The following WWOX variants were observed in gnomAD, a reference collection of about 807,000 sequenced individuals.
WWOX encodes the protein WW domain containing oxidoreductase, also known as WW domain-containing oxidoreductase.
WWOX carries 69 observed loss-of-function variants against 46.2 expected under a neutral mutation model. That is an observed-to-expected ratio of 1.49 (90% CI 1.23 to 1.82). The LOEUF (loss-of-function observed/expected upper bound fraction) is 1.82. Ranked by LOEUF, WWOX falls within the 40% of genes most tolerant of loss-of-function variation. The pLI is 0.00. For missense variants in WWOX, 919 were observed against 542.6 expected (o/e 1.69, Z -6.89); for synonymous variants, 359 against 202.6 (o/e 1.77, Z -6.56).
At chr16:78,992,327 TGTG>T (rs2046904502) in intron 8 of WWOX, among the ~76,000 whole-genome samples, 3 of 151,730 alleles carry the variant, frequency 2.0e-5, no homozygotes, top group South Asian at 4.2e-4. Context: ...ATTAGCCAGG[TGTG>T]GTGGTGGGTG....
chr16:78,987,340 G>A (rs1028642378), intron 8 of WWOX, among the ~76,000 whole-genome samples: 5 of 152,096 alleles, frequency 3.3e-5, no homozygotes, highest in African/African-American at 9.7e-5. Flanking sequence ...ACCTTGTATC[G>A]GGTAGGTTGG....
intron 8 of WWOX, among the ~76,000 whole-genome samples, chr16:79,068,820 CAATAATAATAATAAT>C (rs61494401): frequency 0.1 from 14,045 of 138,520 alleles, 787 homozygotes; most frequent in Middle Eastern, 0.13. Context: ...CAAAAAAACC[CAATAATAATAATAAT>C]AATAATAATA....
intron 8 of WWOX, chr16:78,890,283 C>T (rs1015128371): frequency 6.6e-6 from 1 of 152,070 alleles, no homozygotes; most frequent in East Asian, 1.9e-4. Flanking sequence ...ATAAAAGCCC[C>T]ATTTTCATAT....
intron 8 of WWOX, among the ~76,000 whole-genome samples, chr16:78,500,825 G>C (rs1337762438): frequency 6.6e-6 from 1 of 152,310 alleles, no homozygotes. Context: ...GACCCAGAGA[G>C]CATGTACAAC....
intron 5 of WWOX, among the ~76,000 whole-genome samples, chr16:78,218,309 C>T (rs1248772501): frequency 6.6e-6 from 1 of 152,112 alleles, no homozygotes; most frequent in African/African-American, 2.4e-5. Flanking sequence ...AGGCTGGGCT[C>T]AAACTCCTGG....
chr16:78,640,532 C>T (rs538659051), intron 8 of WWOX, among the ~76,000 whole-genome samples: 1 of 152,180 alleles, frequency 6.6e-6, no homozygotes, highest in Middle Eastern at 3.4e-3. Context: ...ACCACCCGTG[C>T]TGAATATGTA....
Position 78,432,718 on chromosome 16 carries a change from T to C in WWOX, c.1022T>C (p.Leu341Pro), listed in dbSNP as rs764702096. 2 of 1,614,066 alleles carry C rather than the reference T, an allele frequency of 1.2e-6. No individual in the cohort carries two copies. The highest frequency in any genetic ancestry group is 1.7e-6 in the Non-Finnish European group (2 of 1,180,042). ...IHRSWWVYTL[L>P]FTLARPFTKS... ...CGCAGCTGGTGGGTGTACACACTGCTGTTTACCTTGGCGAGGCCTTTCACC... is the reference window on the plus strand; with the variant it reads ...CGCAGCTGGTGGGTGTACACACTGCCGTTTACCTTGGCGAGGCCTTTCACC... The change falls in exon 8 of 9, where the codon CTG becomes CCG. Residue 341 changes from leucine to proline, a missense_variant. Coordinates refer to ENST00000566780, the MANE Select transcript of WWOX (RefSeq NM_016373.4).
intron 5 of WWOX, among the ~76,000 whole-genome samples, chr16:78,224,897 T>G (rs1184755358): frequency 2.6e-5 from 4 of 152,232 alleles, no homozygotes; most frequent in African/African-American, 4.8e-5. Flanking sequence ...TTTCTTTCTT[T>G]TGCAAATGAT....
At chr16:78,857,655 T>C (rs185701596) in intron 8 of WWOX, among the ~76,000 whole-genome samples, 1 of 152,352 alleles carries the variant, frequency 6.6e-6, no homozygotes, top group Non-Finnish European at 1.5e-5. Flanking sequence ...CATTTTCCTA[T>C]AAAATGCCTC....
chr16:78,851,004 G>T (rs1426533780), intron 8 of WWOX, among the ~76,000 whole-genome samples: 2 of 152,166 alleles, frequency 1.3e-5, no homozygotes, highest in African/African-American at 4.8e-5. Flanking sequence ...TTCTTTTGCA[G>T]CTCCTAGAGA....
chr16:79,175,909 G>C (rs2050791139), intron 8 of WWOX, among the ~76,000 whole-genome samples: 1 of 152,096 alleles, frequency 6.6e-6, no homozygotes, highest in Non-Finnish European at 1.5e-5. Context: ...TGAGCTTTTG[G>C]TCATGCTGTA....
At chr16:79,033,426 G>T (rs1156692501) in intron 8 of WWOX, among the ~76,000 whole-genome samples, 1 of 151,424 alleles carries the variant, frequency 6.6e-6, no homozygotes, top group African/African-American at 2.4e-5. Context: ...GTATTCCATG[G>T]TGTAGATGTA....
At chr16:78,877,754 G>T (rs917056683) in intron 8 of WWOX, among the ~76,000 whole-genome samples, 1 of 152,170 alleles carries the variant, frequency 6.6e-6, no homozygotes, top group Non-Finnish European at 1.5e-5. Context: ...GGCTTAGCAC[G>T]TGGAAGACAA....
intron 8 of WWOX, among the ~76,000 whole-genome samples, chr16:78,629,927 C>T (rs927607628): frequency 6.6e-6 from 1 of 152,138 alleles, no homozygotes; most frequent in Non-Finnish European, 1.5e-5. Context: ...ACGTAGATCA[C>T]AGAAAATTAT....
chr16:78,330,208 A>G (rs1307174957), intron 5 of WWOX, among the ~76,000 whole-genome samples: 1 of 152,186 alleles, frequency 6.6e-6, no homozygotes, highest in Non-Finnish European at 1.5e-5. Flanking sequence ...TTGCTGATTT[A>G]ACTTAATAAA....
intron 6 of WWOX, among the ~76,000 whole-genome samples, chr16:78,417,243 T>A (rs753355046): frequency 6.6e-6 from 1 of 152,092 alleles, no homozygotes; most frequent in Non-Finnish European, 1.5e-5. Context: ...TTTTTATTTT[T>A]TTCTTTTTAG....
intron 8 of WWOX, among the ~76,000 whole-genome samples, chr16:78,880,894 G>C (rs1484288762): frequency 6.6e-6 from 1 of 151,872 alleles, no homozygotes; most frequent in Non-Finnish European, 1.5e-5. Flanking sequence ...GATCAGGTCA[G>C]ACGTAGGTAT....
intron 5 of WWOX, among the ~76,000 whole-genome samples, chr16:78,336,835 C>T (rs1299031543): frequency 3.3e-5 from 5 of 152,126 alleles, no homozygotes; most frequent in African/African-American, 9.7e-5. Flanking sequence ...TCTCATTTCC[C>T]AGGATGGAGT....
chr16:78,742,262 A>C (rs11867110), intron 8 of WWOX, among the ~76,000 whole-genome samples: 2 of 152,104 alleles, frequency 1.3e-5, no homozygotes, highest in Non-Finnish European at 2.9e-5. Flanking sequence ...TGATCAAGGC[A>C]GTTTGGAGAC....
Sources: gnomAD v4.1 joint callset for allele counts (sites outside exome capture counted in the v4.1 genomes callset) on GRCh38, gnomAD v4.1.1 for gene constraint, MANE v1.5 for transcripts, NCBI Gene and HGNC (gene_info 2026-07-23, HGNC 2026-07-21) for gene names.